BZW2: variants seen among roughly 807,000 people sequenced by gnomAD.
BZW2 encodes the protein basic leucine zipper and W2 domains 2.
BZW2 carries 23 observed loss-of-function variants against 53.2 expected under a neutral mutation model. The observed-to-expected ratio is 0.43, with a 90% CI of 0.31 to 0.61. BZW2 has a LOEUF of 0.61. Among genes scored for constraint, BZW2 ranks in the 20% least tolerant of loss-of-function variants. BZW2 has a pLI of 0.09. For missense variants in BZW2, 409 were observed against 503.1 expected, an observed-to-expected ratio of 0.81 and a Z score of 1.79; for synonymous variants, 227 against 186.4, an observed-to-expected ratio of 1.22 and a Z score of -1.77.
chr7:16,653,187 A>C (rs1478411603), intron 1 of BZW2, among the ~76,000 whole-genome samples: 6 of 152,106 alleles, frequency 3.9e-5, no homozygotes, highest in Non-Finnish European at 7.4e-5. Flanking sequence ...ACCACCTTTG[A>C]GCTTCCTGAA....
intron 1 of BZW2, among the ~76,000 whole-genome samples, chr7:16,655,258 A>C (rs1422578921): frequency 6.6e-6 from 1 of 152,242 alleles, no homozygotes; most frequent in Non-Finnish European, 1.5e-5. Flanking sequence ...CTATTAATTA[A>C]AAGGGGTTTT....
rs780379277 is a variant in BZW2, at chr7:16,706,061, A to G, written c.1233A>G (p.Glu411=). The change falls in exon 12 of 12, where the codon GAA becomes GAG. Residue 411 remains glutamate, a splice_region_variant and synonymous_variant. Coordinates refer to ENST00000258761, the MANE Select transcript of BZW2 (RefSeq NM_014038.3). ...TCTCACTTCTTTCTTCTCTCCTAGA[A>G]TCCGAATCGGAAGGTGAGGAAAATT... ...FVEWLQNAEE[E]SESEGEEN is the part of the protein sequence containing the mutation. The G allele has an allele frequency of 2.5e-6, 4 of 1,613,826 alleles. No homozygotes were observed. Among genetic ancestry groups the G allele is most frequent in the East Asian group, 4.5e-5 (2 of 44,850 alleles).
intron 6 of BZW2, 105 bp downstream of exon 6, chr7:16,686,145 A>G: frequency 1.4e-6 from 2 of 1,477,526 alleles, no homozygotes; most frequent in Non-Finnish European, 1.8e-6. Context: ...TCTATTACTC[A>G]TTCTTCATTT....
chr7:16,670,427 T>C (rs995485592), intron 2 of BZW2, among the ~76,000 whole-genome samples: 8 of 152,250 alleles, frequency 5.3e-5, no homozygotes, highest in Admixed American at 1.3e-4. Flanking sequence ...AATTTTCAAA[T>C]CATCAAAATC....
Position 16,706,211 on chromosome 7 carries a change from T to G in BZW2, c.*123T>G. Reference sequence around the variant, plus strand: ...AAGGAAAAAAAAAATAGGATAGGCTTCCCTTGTGCAGAGGGAGAAATGGTT... The same window carrying G: ...AAGGAAAAAAAAAATAGGATAGGCTGCCCTTGTGCAGAGGGAGAAATGGTT... On this transcript the variant is annotated 3_prime_UTR_variant, in exon 12 of 12. Coordinates refer to ENST00000258761, the MANE Select transcript of BZW2 (RefSeq NM_014038.3). The G allele has an allele frequency of 9.4e-7, 1 of 1,065,184 alleles. No individual in the cohort carries two copies. The highest frequency in any genetic ancestry group is 1.4e-6 in the Non-Finnish European group (1 of 717,826). The allele number at this position is 1,065,184 out of a possible 1,614,324, so 66.0% of individuals were successfully genotyped here. A position where few individuals can be genotyped will look rare whatever the true frequency, so the allele number is the denominator to read the frequency against.
At chr7:16,672,105 C>G (rs940353476) in intron 2 of BZW2, among the ~76,000 whole-genome samples, 1 of 152,150 alleles carries the variant, frequency 6.6e-6, no homozygotes, top group African/African-American at 2.4e-5. Flanking sequence ...CAGATAATTG[C>G]TTTGTTCCCA....
At chr7:16,695,113 A>C (rs1167833215) in intron 8 of BZW2, 109 bp downstream of exon 8, 2 of 1,061,726 alleles carry the variant, frequency 1.9e-6, no homozygotes, top group African/African-American at 1.6e-5. Flanking sequence ...TTATTGCTGT[A>C]AACTTTGTCC....
intron 1 of BZW2, among the ~76,000 whole-genome samples, chr7:16,664,432 T>C (rs769606137): frequency 5.3e-5 from 8 of 152,152 alleles, no homozygotes; most frequent in Non-Finnish European, 8.8e-5. Flanking sequence ...TGCAAGGAGA[T>C]AGCCATGTGG....
At chr7:16,670,966 G>A (rs903080005) in intron 2 of BZW2, among the ~76,000 whole-genome samples, 4 of 152,198 alleles carry the variant, frequency 2.6e-5, no homozygotes, top group African/African-American at 9.7e-5. Context: ...TCATGCTTAT[G>A]TGACTAGTGT....
At chr7:16,664,233 C>A (rs903563718) in intron 1 of BZW2, among the ~76,000 whole-genome samples, 20 of 152,272 alleles carry the variant, frequency 1.3e-4, no homozygotes, top group Non-Finnish European at 2.9e-4. Context: ...GGAATAAAAA[C>A]CTACAAGGTT....
At chr7:16,705,935 A>C in intron 11 of BZW2, 125 bp from the exon 12 acceptor site, 3 of 1,031,130 alleles carry the variant, frequency 2.9e-6, no homozygotes, top group Non-Finnish European at 4.4e-6. Flanking sequence ...TTTACCTTAT[A>C]ATGGGTGCCT....
At chr7:16,649,162 G>T (rs192159416) in intron 1 of BZW2, among the ~76,000 whole-genome samples, 2 of 151,920 alleles carry the variant, frequency 1.3e-5, no homozygotes, top group African/African-American at 4.8e-5. Context: ...CTTTCTCATC[G>T]CATTCTATTA....
At chr7:16,675,744 G>T (rs1027661359) in intron 3 of BZW2, among the ~76,000 whole-genome samples, 1 of 152,138 alleles carries the variant, frequency 6.6e-6, no homozygotes, top group East Asian at 1.9e-4. Flanking sequence ...CCCATTACCC[G>T]GGAAAAATCA....
chr7:16,658,689 A>T (rs1179688322), intron 1 of BZW2, among the ~76,000 whole-genome samples: 1 of 152,080 alleles, frequency 6.6e-6, no homozygotes, highest in Admixed American at 6.5e-5. Flanking sequence ...AGCCTGTCCA[A>T]CATAGTGAAA....
intron 3 of BZW2, 71 bp from the exon 4 acceptor site, chr7:16,681,230 A>ATTTCT: frequency 1.7e-6 from 2 of 1,188,562 alleles, no homozygotes; most frequent in South Asian, 2.7e-5. Flanking sequence ...ATTTGCCAGA[A>ATTTCT]TTGATGTGTT....
At chr7:16,646,895 CTTCTTTGCTCTGCT>C (rs1781880334) in intron 1 of BZW2, among the ~76,000 whole-genome samples, 1 of 152,124 alleles carries the variant, frequency 6.6e-6, no homozygotes, top group African/African-American at 2.4e-5. Flanking sequence ...GAAGGAAGGG[CTTCTTTGCTCTGCT>C]AGAGTTCTCG....
Position 16,704,537 on chromosome 7 carries a change from A to C in BZW2, c.1109-10A>C. 6.6e-7 allele frequency: 1 copy of C among 1,510,836 alleles called. No individual in the cohort carries two copies. The allele number at this position is 1,510,836 out of a possible 1,614,324, so 93.6% of individuals were successfully genotyped here. Reference sequence around the variant, plus strand: ...ATAGTAACTTTGAAATCTTTGATTTAAAATTGCAGCTGATGTTCTGAGCGA... The same window carrying C: ...ATAGTAACTTTGAAATCTTTGATTTCAAATTGCAGCTGATGTTCTGAGCGA... On this transcript the variant is annotated splice_polypyrimidine_tract_variant and intron_variant, in intron 10 of 11. Coordinates refer to ENST00000258761, the MANE Select transcript of BZW2 (RefSeq NM_014038.3).
chr7:16,705,362 A>T (rs1783811607), intron 11 of BZW2, among the ~76,000 whole-genome samples: 2 of 151,508 alleles, frequency 1.3e-5, no homozygotes, highest in Admixed American at 6.6e-5. Flanking sequence ...CATCTCGATA[A>T]ATAAATAAAT....
At chr7:16,680,534 G>C (rs1782912448) in intron 3 of BZW2, among the ~76,000 whole-genome samples, 1 of 152,200 alleles carries the variant, frequency 6.6e-6, no homozygotes, top group African/African-American at 2.4e-5. Context: ...GCCAACTACA[G>C]TGGCTTACGT....
Sources: gnomAD v4.1 joint callset for allele counts (sites outside exome capture counted in the v4.1 genomes callset) on GRCh38, gnomAD v4.1.1 for gene constraint, MANE v1.5 for transcripts, NCBI Gene and HGNC (gene_info 2026-07-23, HGNC 2026-07-21) for gene names.